The following USP45 variants were observed in gnomAD, a reference collection of about 807,000 sequenced individuals.
USP45 encodes the protein ubiquitin carboxyl-terminal hydrolase 45.
In USP45, 89 loss-of-function variants were observed where a neutral mutation model predicts 95.8. The ratio of observed to expected loss-of-function variants is 0.93; its 90% CI spans 0.78 to 1.11. The LOEUF (loss-of-function observed/expected upper bound fraction) is 1.11. Ranked by LOEUF, USP45 falls within the 50% of genes least tolerant of loss-of-function variation. The pLI, the probability that USP45 is intolerant of heterozygous loss-of-function variation, is 0.00. For synonymous variants in USP45, 281 were observed against 316.2 expected (o/e 0.89, Z 1.18); for missense variants, 898 against 942.5 (o/e 0.95, Z 0.62).
chr6:99,443,517 C>G, intron 15 of USP45, 48 bp downstream of exon 15: 1 of 1,320,734 alleles, frequency 7.6e-7, no homozygotes, highest in Non-Finnish European at 1.1e-6. Flanking sequence ...GGACTTAATG[C>G]TCTGTAAAAC....
Position 99,437,279 on chromosome 6 carries a change from A to G in USP45, c.2281T>C (p.Ser761Pro), listed in dbSNP as rs1413891699. ...TTTTTCTTTTTAGTGTTATGTTCCG[A>G]TAATTTCCTGGAGGGTGTTCTCACT... The part of the protein sequence containing the change: ...VKVRTPSRKL[S>P]EHNTKKKNVP... Residue 761 changes from serine to proline, a missense_variant, in exon 17 of 18, where the codon TCG becomes CCG. Coordinates refer to ENST00000500704, the MANE Select transcript of USP45 (RefSeq NM_001346022.3). 2.5e-6 allele frequency: 4 copies of G among 1,611,258 alleles called. No individual in the cohort carries two copies. Among genetic ancestry groups the G allele is most frequent in the Non-Finnish European group, 3.4e-6 (4 of 1,179,346 alleles).
rs115893615 is a variant in USP45 at position 99,470,146 on chromosome 6, A to G, written c.934-1528T>C. Among the ~76,000 whole-genome samples, 266 of 152,280 alleles carry G rather than the reference A, an allele frequency of 1.7e-3. 1 individual carries two copies. The highest frequency in any genetic ancestry group is 6.1e-3 in the African/African-American group (255 of 41,568). ...GAGGTAAAGAACCCAGATTGGAGCA[A>G]TGAGACTTATGAATCAGAAATATTG... On this transcript the variant is annotated intron_variant, in intron 9 of 17. Coordinates refer to ENST00000500704, the MANE Select transcript of USP45 (RefSeq NM_001346022.3).
intron 5 of USP45, among the ~76,000 whole-genome samples, chr6:99,489,858 T>C (rs1794785190): frequency 6.6e-6 from 1 of 151,970 alleles, no homozygotes; most frequent in South Asian, 2.1e-4. Context: ...GGTTGAGGCA[T>C]GAGAATCACT....
At chr6:99,502,105 A>G (rs753599562) in intron 5 of USP45, 420 of 1,169,566 alleles carry the variant, frequency 3.6e-4, no homozygotes, top group Non-Finnish European at 4.5e-4. Context: ...TGCCTACACA[A>G]TGAAATCCCA....
intron 10 of USP45, among the ~76,000 whole-genome samples, chr6:99,467,328 A>C (rs1788211649): frequency 6.6e-6 from 1 of 152,180 alleles, no homozygotes; most frequent in Non-Finnish European, 1.5e-5. Context: ...ATAAACCATG[A>C]ACGCAGTTTA....
intron 5 of USP45, among the ~76,000 whole-genome samples, chr6:99,502,820 ACCT>A (rs767979361): frequency 6.6e-6 from 1 of 151,912 alleles, no homozygotes; most frequent in African/African-American, 2.4e-5. Context: ...AGTGTGTACT[ACCT>A]CCTCGTCTAT....
intron 13 of USP45, among the ~76,000 whole-genome samples, chr6:99,453,618 A>C (rs1455092255): frequency 2.0e-5 from 3 of 152,212 alleles, no homozygotes; most frequent in Non-Finnish European, 4.4e-5. Context: ...TCCTATCAAA[A>C]TTCCAATGAC....
In USP45 at chr6:99,514,135, G is replaced by A. The variant is rs78960037; in HGVS notation, c.-11+1257C>T. Among the ~76,000 whole-genome samples, 14 of 152,248 alleles carry A rather than the reference G, an allele frequency of 9.2e-5. No individual in the cohort carries two copies. The East Asian group carries it at 2.3e-3, about 25-fold the overall frequency. ...GATGCACGGGACTCAACATATAGTT[G>A]AATTCATGGCTGACATTTATTACAC... On this transcript the variant is annotated intron_variant, in intron 1 of 17. Coordinates refer to ENST00000500704, the MANE Select transcript of USP45 (RefSeq NM_001346022.3).
chr6:99,494,226 CT>C (rs1795813244), intron 5 of USP45, among the ~76,000 whole-genome samples: 1 of 152,140 alleles, frequency 6.6e-6, no homozygotes, highest in Non-Finnish European at 1.5e-5. Flanking sequence ...ATTTACTCTA[CT>C]TATCACTTCT....
At chr6:99,477,474 G>A (rs577424341) in intron 8 of USP45, among the ~76,000 whole-genome samples, 93 of 152,004 alleles carry the variant, frequency 6.1e-4, no homozygotes, top group Non-Finnish European at 1.1e-3. Context: ...CATCGTGCCC[G>A]GCTAATTTTT....
chr6:99,484,753 T>C (rs1029603225), intron 7 of USP45, among the ~76,000 whole-genome samples: 1 of 149,616 alleles, frequency 6.7e-6, no homozygotes, highest in South Asian at 2.1e-4. Context: ...ATGGCACCAC[T>C]GCACCCCAGT....
chr6:99,455,551 C>T (rs1177300691), intron 13 of USP45, among the ~76,000 whole-genome samples: 1 of 152,004 alleles, frequency 6.6e-6, no homozygotes, highest in Non-Finnish European at 1.5e-5. Flanking sequence ...AAAAGAAAAC[C>T]AGTGTATCAA....
intron 5 of USP45, among the ~76,000 whole-genome samples, chr6:99,497,268 G>A (rs9402842): frequency 0.056 from 8,585 of 152,068 alleles, 998 homozygotes; most frequent in East Asian, 0.45. Flanking sequence ...GGAGGTAGAG[G>A]GAGTTTTGTT....
Position 99,507,424 on chromosome 6 carries a change from T to A in USP45, c.377+4A>T. 1 of 1,579,644 alleles carries A rather than the reference T, an allele frequency of 6.3e-7. No individual in the cohort carries two copies. The highest frequency in any genetic ancestry group is 8.6e-7 in the Non-Finnish European group (1 of 1,160,172). ...GACACAAGAACTAACAAAATTTAAC[T>A]TACCATATAATCCATGTGCTCAGAT... On this transcript the variant is annotated splice_donor_region_variant and intron_variant, in intron 4 of 17. Transcript: ENST00000500704.
intron 5 of USP45, among the ~76,000 whole-genome samples, chr6:99,492,326 G>A (rs1237827211): frequency 6.6e-6 from 1 of 152,186 alleles, no homozygotes; most frequent in Non-Finnish European, 1.5e-5. Context: ...AGCACTGCCA[G>A]AAAGAACATA....
At chr6:99,476,580 T>G (rs1487809978) in intron 8 of USP45, among the ~76,000 whole-genome samples, 1 of 152,246 alleles carries the variant, frequency 6.6e-6, no homozygotes, top group African/African-American at 2.4e-5. Context: ...TATCATTTAT[T>G]AAGCAACTAC....
intron 1 of USP45, among the ~76,000 whole-genome samples, chr6:99,511,548 C>A (rs1042149934): frequency 2.0e-5 from 3 of 151,918 alleles, no homozygotes; most frequent in African/African-American, 7.3e-5. Flanking sequence ...TCCCCAGGCT[C>A]AGGTGATACG....
chr6:99,493,604 T>C (rs1277409364), intron 5 of USP45, among the ~76,000 whole-genome samples: 1 of 152,118 alleles, frequency 6.6e-6, no homozygotes, highest in Non-Finnish European at 1.5e-5. Context: ...TTCAAATGAT[T>C]CTCCTGTCTC....
Position 99,466,709 on chromosome 6 carries a change from T to A in USP45, c.1070A>T (p.Glu357Val). ...MNFIDRIFIG[E>V]LTSTVMCEEC... ...TTCACACATGACCGTGCTAGTTAAT[T>A]CACCAATAAAGATCCGATCTATGAA... is the stretch of plus-strand genomic sequence containing the variant. The change falls in exon 11 of 18, where the codon GAA becomes GTA. Residue 357 changes from glutamate (E) to valine (V), a missense_variant. Transcript: ENST00000500704. The A allele has an allele frequency of 1.2e-6, 2 of 1,613,578 alleles. No homozygotes were observed.
Sources: gnomAD v4.1 joint callset for allele counts (sites outside exome capture counted in the v4.1 genomes callset) on GRCh38, gnomAD v4.1.1 for gene constraint, MANE v1.5 for transcripts, NCBI Gene and HGNC (gene_info 2026-07-23, HGNC 2026-07-21) for gene names.